MOK: variants seen among roughly 807,000 people sequenced by gnomAD.
MOK encodes the protein MOK protein kinase, also known as MAPK/MAK/MRK overlapping kinase.
Under a neutral mutation model 54.2 loss-of-function variants are expected in MOK, and 59 were observed. The observed-to-expected ratio is 1.09, with a 90% CI of 0.88 to 1.35. The LOEUF (loss-of-function observed/expected upper bound fraction) is 1.35, where lower values mean the gene tolerates loss of function less well. MOK is among the 40% of genes most tolerant of loss of function. The probability of loss-of-function intolerance (pLI) is 0.00; values close to 1 mark genes in which losing one functional copy is unlikely to be tolerated. For missense variants in MOK, 517 were observed against 526.2 expected (o/e 0.98, Z 0.17); for synonymous variants, 210 against 202.7 (o/e 1.04, Z -0.31).
At chr14:102,257,617 C>G (rs1221457725) in intron 4 of MOK, among the ~76,000 whole-genome samples, 1 of 152,198 alleles carries the variant, frequency 6.6e-6, no homozygotes, top group African/African-American at 2.4e-5. Flanking sequence ...CTACTCAAAG[C>G]ACAGTCCATG....
chr14:102,302,003 C>T (rs555353898), intron 1 of MOK, among the ~76,000 whole-genome samples: 2 of 151,966 alleles, frequency 1.3e-5, no homozygotes, highest in East Asian at 3.9e-4. Flanking sequence ...CAGCCAACCT[C>T]GGCGTCCCGA....
At chr14:102,278,743 C>T in intron 2 of MOK, 1 of 456,108 alleles carries the variant, frequency 2.2e-6, no homozygotes, top group Non-Finnish European at 4.4e-6. Flanking sequence ...AGTGAGGATT[C>T]AATGACACAT....
At position 102,229,540 on chromosome 14, in the gene MOK, TG is replaced by T; in HGVS notation, c.1098del (p.Thr367ArgfsTer17). 6.2e-7 allele frequency: 1 copy of T among 1,613,822 alleles called. No individual in the cohort carries two copies. The highest frequency in any genetic ancestry group is 1.1e-5 in the South Asian group (1 of 91,086). ...GVVRLSSYSS[P>X]TLQSVLGSGT... ...CCAGATCCAAGCACGGACTGCAGCG[TG>T]GGGCTGGAGTAAGACGACAGTCTGA... On this transcript the variant is annotated frameshift_variant, in exon 11 of 12. Coordinates refer to ENST00000361847, the MANE Select transcript of MOK (RefSeq NM_014226.3). LOFTEE classifies it high-confidence loss of function.
At chr14:102,227,080 C>A (rs1484555249), downstream of MOK, among the ~76,000 whole-genome samples, 2 of 152,104 alleles carry the variant, frequency 1.3e-5, no homozygotes, top group African/African-American at 2.4e-5. Flanking sequence ...GTGTGACAGT[C>A]AGGACAGGGC....
chr14:102,304,215 T>C (rs1170348666), intron 1 of MOK, among the ~76,000 whole-genome samples: 1 of 152,152 alleles, frequency 6.6e-6, no homozygotes, highest in South Asian at 2.1e-4. Flanking sequence ...ACAGCAAAGG[T>C]CTGAATTTTT....
chr14:102,258,612 C>T (rs1300721292), intron 4 of MOK, among the ~76,000 whole-genome samples: 1 of 152,180 alleles, frequency 6.6e-6, no homozygotes, highest in Non-Finnish European at 1.5e-5. Flanking sequence ...ACATCCTCTC[C>T]CGCACCTGTC....
chr14:102,257,007 G>A (rs1173258863), intron 4 of MOK, among the ~76,000 whole-genome samples: 1 of 151,818 alleles, frequency 6.6e-6, no homozygotes, highest in East Asian at 1.9e-4. Flanking sequence ...CGGGCAAAGG[G>A]CCTTCGCCAT....
In MOK at chr14:102,231,629, TGAGA is replaced by T; in HGVS notation, c.981+74_981+77del. On this transcript the variant is annotated intron_variant, in intron 10 of 11. Coordinates refer to ENST00000361847, the MANE Select transcript of MOK (RefSeq NM_014226.3). The surrounding 1 kb of genome is among the most constrained non-coding windows in gnomAD (Gnocchi z 4.4). Reference sequence around the variant, plus strand: ...ACAGCCTCCACAGGTGGCGTCCTCCTGAGAGAGACACAGGCCACCCGAGGGCATC... The same window carrying T: ...ACAGCCTCCACAGGTGGCGTCCTCCTGAGACACAGGCCACCCGAGGGCATC... 1 of 1,330,046 alleles carries T rather than the reference TGAGA, an allele frequency of 7.5e-7. No homozygotes were observed. The highest frequency in any genetic ancestry group is 2.3e-5 in the East Asian group (1 of 42,930). 82.4% of individuals were successfully genotyped at this position (1,330,046 alleles called of 1,614,324 possible).
At position 102,232,575 on chromosome 14, in the gene MOK, C is replaced by T. The variant is rs370359047; in HGVS notation, c.826G>A (p.Ala276Thr). Residue 276 changes from alanine to threonine, a missense_variant, in exon 9 of 12, where the codon GCC (alanine) becomes ACC (threonine). Transcript: ENST00000361847. The surrounding 1 kb of genome is among the most constrained non-coding windows in gnomAD (Gnocchi z 5.1). Reference protein sequence around the residue: ...VAYDPDERIAAHQALQHPYFQ... With the variant: ...VAYDPDERIATHQALQHPYFQ... ...TAGGGGTGCTGCAGGGCCTGGTGGG[C>T]GGCGATTCTCTCATCGGGATCATAG... 94 of 1,613,848 alleles carry T rather than the reference C, an allele frequency of 5.8e-5. No individual in the cohort carries two copies. Among genetic ancestry groups the T allele is most frequent in the South Asian group, 1.2e-4 (11 of 91,040 alleles).
At chr14:102,233,616 G>C in intron 8 of MOK, 72 bp downstream of exon 8, 1 of 1,356,914 alleles carries the variant, frequency 7.4e-7, no homozygotes, top group Non-Finnish European at 1.1e-6. Flanking sequence ...GGAGGCACAG[G>C]GAGGGGCTTG....
At chr14:102,283,225 T>G (rs1567223749) in intron 2 of MOK, 1 of 343,740 alleles carries the variant, frequency 2.9e-6, no homozygotes. Context: ...ACATACAGAC[T>G]GTTTAAGGTG....
At chr14:102,294,290 C>CA (rs906058848) in intron 1 of MOK, among the ~76,000 whole-genome samples, 7 of 151,806 alleles carry the variant, frequency 4.6e-5, no homozygotes, top group East Asian at 1.9e-4. Flanking sequence ...ACTAAAAATA[C>CA]AAAAAATTAG....
Position 102,300,384 on chromosome 14 carries a change from C to CAA in MOK, c.7+4576_7+4577dup, listed in dbSNP as rs36070143. ...CAACACAGCAAAACCCCATCTCCAC[C>CAA]AAAAAAAAAAAAAAATTAGCTGGGC... On this transcript the variant is annotated intron_variant, in intron 1 of 11. Coordinates refer to ENST00000361847, the MANE Select transcript of MOK (RefSeq NM_014226.3). Among the ~76,000 whole-genome samples, 660 of 133,182 alleles carry CAA rather than the reference C, an allele frequency of 5.0e-3. 7 individuals are homozygous for CAA. Among genetic ancestry groups the CAA allele is most frequent in the African/African-American group, 0.017 (606 of 35,688 alleles). The allele number at this position is 133,182 out of a possible 152,430, so 87.4% of individuals were successfully genotyped here.
chr14:102,233,498 T>G (rs1217676474), intron 8 of MOK, 190 bp downstream of exon 8: 1 of 576,696 alleles, frequency 1.7e-6, no homozygotes, highest in African/African-American at 1.9e-5. Context: ...AGAGCTCACC[T>G]TTGAGACCAC....
At chr14:102,287,638 A>C (rs1008171778) in intron 1 of MOK, among the ~76,000 whole-genome samples, 7 of 152,184 alleles carry the variant, frequency 4.6e-5, no homozygotes, top group Non-Finnish European at 8.8e-5. Flanking sequence ...CAACATCATC[A>C]GTCATTAGGG....
intron 1 of MOK, among the ~76,000 whole-genome samples, chr14:102,290,142 A>AG (rs1305935416): frequency 5.7e-5 from 2 of 35,032 alleles, no homozygotes; most frequent in Non-Finnish European, 7.7e-5. Flanking sequence ...TTACACTTAG[A>AG]GAAAAAAAAA....
chr14:102,219,644 C>A (rs1254857263), downstream of MOK, among the ~76,000 whole-genome samples: 1 of 152,248 alleles, frequency 6.6e-6, no homozygotes, highest in East Asian at 1.9e-4. Context: ...TGGTCAAGCA[C>A]CCTGGGGTCC....
intron 1 of MOK, among the ~76,000 whole-genome samples, chr14:102,298,634 A>T (rs185813987): frequency 7.0e-4 from 106 of 151,872 alleles, no homozygotes; most frequent in African/African-American, 2.4e-3. Flanking sequence ...GGCTCTCTGT[A>T]AAATGGACCA....
chr14:102,298,963 G>C (rs919621358), intron 1 of MOK, among the ~76,000 whole-genome samples: 1 of 152,078 alleles, frequency 6.6e-6, no homozygotes, highest in Non-Finnish European at 1.5e-5. Flanking sequence ...AAGCCAGTGA[G>C]ACCACGAACC....
Sources: allele counts gnomAD v4.1 joint callset (sites outside exome capture counted in the v4.1 genomes callset), GRCh38; gene constraint gnomAD v4.1.1; non-coding constraint Gnocchi (gnomAD v3.1); transcripts MANE v1.5; gene names NCBI Gene and HGNC (gene_info 2026-07-23, HGNC 2026-07-21).